Variants in DTX2 observed in about 807,000 individuals in gnomAD.
DTX2 encodes deltex E3 ubiquitin ligase 2, also known as probable E3 ubiquitin-protein ligase DTX2.
A neutral mutation model predicts 55.3 loss-of-function variants in DTX2; 29 were observed. The ratio of observed to expected loss-of-function variants is 0.52; its 90% CI spans 0.39 to 0.71. The LOEUF (loss-of-function observed/expected upper bound fraction) is 0.71. Among genes scored for constraint, DTX2 ranks in the 30% least tolerant of loss-of-function variants. The pLI is 0.00. For missense variants in DTX2, 537 were observed against 822.5 expected (o/e 0.65, Z 4.25); for synonymous variants, 276 against 340.4 (o/e 0.81, Z 2.08).
intron 2 of DTX2, among the ~76,000 whole-genome samples, chr7:76,468,447 CATTTTTTTTTT>C (rs1363464095): frequency 4.1e-4 from 32 of 77,638 alleles, no homozygotes; most frequent in South Asian, 1.1e-3. Flanking sequence ...GGCCCACTGC[CATTTTTTTTTT>C]TTTTTTTTTT....
intron 3 of DTX2, 79 bp from the exon 4 acceptor site, chr7:76,482,429 C>G: frequency 7.1e-7 from 1 of 1,410,960 alleles, no homozygotes; most frequent in Non-Finnish European, 9.6e-7. Context: ...TTTATTTTGG[C>G]GGTTGAAAAA....
In DTX2 at chr7:76,503,550, C is replaced by G. The variant is rs1233656407; in HGVS notation, c.1514C>G (p.Thr505Ser). The G allele has an allele frequency of 6.2e-7, 1 of 1,612,592 alleles. No homozygotes were observed. Among genetic ancestry groups the G allele is most frequent in the Non-Finnish European group, 8.5e-7 (1 of 1,179,784 alleles). Residue 505 changes from threonine (T) to serine (S), a missense_variant, in exon 9 of 11, where the codon ACC (threonine) becomes AGC (serine). Physicochemically the swap from Thr to Ser is moderately conservative, Grantham distance 58. Coordinates refer to ENST00000430490, the MANE Select transcript of DTX2 (RefSeq NM_001102594.3). ...CTCCCCGGCCACGAGGACTGCGGGA[C>G]CATCCTCATAGTTTACAGCATTCCC... is the stretch of plus-strand genomic sequence containing the variant. ...MSLPGHEDCG[T>S]ILIVYSIPHG...
rs762947547 is a variant in DTX2 at position 76,480,572 on chromosome 7, G to A, written c.63G>A (p.Val21=). Residue 21 remains valine, a synonymous_variant, in exon 3 of 11, where the codon GTG becomes GTA. Coordinates refer to ENST00000430490, the MANE Select transcript of DTX2 (RefSeq NM_001102594.3). ...QVYTSPAAVA[V]WEWQDGLGTW... ...ACACCAGCCCCGCGGCTGTGGCCGTGTGGGAATGGCAGGACGGGCTGGGCA... is the reference window on the plus strand; with the variant it reads ...ACACCAGCCCCGCGGCTGTGGCCGTATGGGAATGGCAGGACGGGCTGGGCA... 29 of 1,612,748 alleles carry A rather than the reference G, an allele frequency of 1.8e-5. No homozygotes were observed. Among genetic ancestry groups the A allele is most frequent in the Non-Finnish European group, 2.4e-5 (28 of 1,179,988 alleles).
At chr7:76,481,077 T>C (rs1809142683) in intron 3 of DTX2, among the ~76,000 whole-genome samples, 1 of 152,238 alleles carries the variant, frequency 6.6e-6, no homozygotes, top group Admixed American at 6.5e-5. Flanking sequence ...TGGTGCGTCA[T>C]AGGAGTTCAG....
chr7:76,504,110 C>CAG (rs3214352), intron 9 of DTX2, among the ~76,000 whole-genome samples: 46,587 of 132,298 alleles, frequency 0.35, 4,769 homozygotes, highest in East Asian at 0.41. Context: ...GGGAAGATAA[C>CAG]GGGGCAGCAG....
At chr7:76,482,409 T>C in intron 3 of DTX2, 99 bp from the exon 4 acceptor site, 1 of 1,216,456 alleles carries the variant, frequency 8.2e-7, no homozygotes, top group Non-Finnish European at 1.2e-6. Flanking sequence ...ACCTACTGTG[T>C]TCCTATTTGT....
chr7:76,498,377 G>C (rs1156400732), intron 6 of DTX2, among the ~76,000 whole-genome samples: 2 of 151,810 alleles, frequency 1.3e-5, no homozygotes, highest in South Asian at 4.2e-4. Context: ...GGCTCTGCAC[G>C]CCCTGCCCTT....
intron 8 of DTX2, chr7:76,503,030 C>A (rs1371900294): frequency 4.0e-6 from 1 of 250,200 alleles, no homozygotes; most frequent in Non-Finnish European, 7.7e-6. Context: ...CTTAGAGAAC[C>A]GAGTCATGTG....
chr7:76,498,499 C>T (rs1169591492), intron 6 of DTX2, among the ~76,000 whole-genome samples: 3 of 133,170 alleles, frequency 2.3e-5, no homozygotes, highest in East Asian at 2.5e-4. Flanking sequence ...CTGGCTGGCC[C>T]CTTCTGAGAC....
chr7:76,492,285 C>A (rs1563746582), intron 5 of DTX2, 32 bp downstream of exon 5: 2 of 934,580 alleles, frequency 2.1e-6, no homozygotes, highest in Non-Finnish European at 2.9e-6. Context: ...GCAGAGCAGT[C>A]TGTGCCCTGC....
At chr7:76,501,221 C>T (rs1195554232) in intron 7 of DTX2, 1 of 448,270 alleles carries the variant, frequency 2.2e-6, no homozygotes, top group Admixed American at 2.5e-5. Context: ...GGTGGAAGGC[C>T]AGGAGCCCCA....
chr7:76,482,413 T>C, intron 3 of DTX2, 95 bp from the exon 4 acceptor site: 2 of 1,256,082 alleles, frequency 1.6e-6, no homozygotes, highest in Non-Finnish European at 2.2e-6. Flanking sequence ...ACTGTGTTCC[T>C]ATTTGTTTAT....
At chr7:76,467,849 TAAGAG>T (rs1396082683) in intron 2 of DTX2, among the ~76,000 whole-genome samples, 5 of 151,576 alleles carry the variant, frequency 3.3e-5, no homozygotes, top group African/African-American at 1.2e-4. Context: ...AGCTAGGAAT[TAAGAG>T]ATGAGTAAGT....
At chr7:76,498,308 C>T (rs1584234614) in intron 6 of DTX2, among the ~76,000 whole-genome samples, 2 of 150,492 alleles carry the variant, frequency 1.3e-5, no homozygotes, top group Non-Finnish European at 1.5e-5. Flanking sequence ...ACCTCCAGCC[C>T]ACAGGCGAGG....
chr7:76,500,588 C>T (rs982888000), intron 7 of DTX2, 68 bp downstream of exon 7: 11 of 523,200 alleles, frequency 2.1e-5, no homozygotes, highest in East Asian at 1.4e-4. Context: ...AAAGGACATC[C>T]GCCCCATCTT....
chr7:76,502,946 A>C (rs1356560008), intron 8 of DTX2: 1 of 213,608 alleles, frequency 4.7e-6, no homozygotes, highest in Non-Finnish European at 9.3e-6. Flanking sequence ...CTACACATGA[A>C]GAGCCGCGCC....
Position 76,482,548 on chromosome 7 carries a change from C to T in DTX2, c.309C>T (p.His103=). ...RAVRRHLFPQ[H]SAPGRGVVWE... is the part of the protein sequence containing the mutation. Reference sequence around the variant, plus strand: ...TGCGGAGACACCTGTTCCCCCAGCACTCAGCCCCTGGCCGAGGTGTCGTCT... The same window carrying T: ...TGCGGAGACACCTGTTCCCCCAGCATTCAGCCCCTGGCCGAGGTGTCGTCT... The change falls in exon 4 of 11, where the codon CAC becomes CAT. Residue 103 remains histidine (H), a synonymous_variant. Coordinates refer to ENST00000430490, the MANE Select transcript of DTX2 (RefSeq NM_001102594.3). 1 of 1,611,788 alleles carries T rather than the reference C, an allele frequency of 6.2e-7. No homozygotes were observed. Among genetic ancestry groups the T allele is most frequent in the East Asian group, 2.2e-5 (1 of 44,824 alleles).
chr7:76,503,947 G>A (rs540351030), intron 9 of DTX2, among the ~76,000 whole-genome samples: 702 of 148,022 alleles, frequency 4.7e-3, no homozygotes, highest in African/African-American at 0.017. Context: ...GGTGTGCGTC[G>A]AGGAACCTTG....
At position 76,505,742 on chromosome 7, in the gene DTX2, C is replaced by CGAG. The variant is rs1464612723; in HGVS notation, c.*141_*142insGAG. 2 of 866,716 alleles carry CGAG rather than the reference C, an allele frequency of 2.3e-6. No individual in the cohort carries two copies. The highest frequency in any genetic ancestry group is 3.4e-5 in the African/African-American group (2 of 59,240). 53.7% of individuals were successfully genotyped at this position (866,716 alleles called of 1,614,324 possible). On this transcript the variant is annotated 3_prime_UTR_variant, in exon 11 of 11. Coordinates refer to ENST00000430490, the MANE Select transcript of DTX2 (RefSeq NM_001102594.3). This position sits in a 1 kb window ranked among gnomAD's most constrained non-coding sequence, Gnocchi z 4.4. Reference sequence around the variant, plus strand: ...GTGTGCCCCACCTGAAGCCGGGGCTCCCCCTGCCTGCCTCTCTCTCCTCCT... The same window carrying CGAG: ...GTGTGCCCCACCTGAAGCCGGGGCTCGAGCCCCTGCCTGCCTCTCTCTCCTCCT...
Sources: gnomAD v4.1 joint callset for allele counts (sites outside exome capture counted in the v4.1 genomes callset) on GRCh38, gnomAD v4.1.1 for gene constraint, Gnocchi (gnomAD v3.1) non-coding constraint, MANE v1.5 for transcripts, NCBI Gene and HGNC (gene_info 2026-07-23, HGNC 2026-07-21) for gene names.